FAM81B: variants seen among roughly 807,000 people sequenced by gnomAD.
FAM81B encodes family with sequence similarity 81 member B, also known as protein FAM81B.
FAM81B carries 60 observed loss-of-function variants against 58.7 expected under a neutral mutation model. The ratio of observed to expected loss-of-function variants is 1.02; its 90% CI spans 0.83 to 1.27. The LOEUF (loss-of-function observed/expected upper bound fraction) is 1.27, where lower values mean the gene tolerates loss of function less well. Ranked by LOEUF, FAM81B falls within the 50% of genes most tolerant of loss-of-function variation. FAM81B has a pLI of 0.00. For synonymous variants in FAM81B, 189 were observed against 179.6 expected (o/e 1.05, Z -0.42); for missense variants, 491 against 522.0 (o/e 0.94, Z 0.58).
intron 2 of FAM81B, among the ~76,000 whole-genome samples, chr5:95,395,840 A>G (rs1761951531): frequency 6.6e-6 from 1 of 152,222 alleles, no homozygotes; most frequent in African/African-American, 2.4e-5. Context: ...AAAATTATCT[A>G]AGAATAATCT....
At chr5:95,427,355 G>T (rs1006209689) in intron 5 of FAM81B, among the ~76,000 whole-genome samples, 2 of 152,152 alleles carry the variant, frequency 1.3e-5, no homozygotes, top group Non-Finnish European at 2.9e-5. Context: ...AACATCTTTT[G>T]ATCAGGAATT....
At chr5:95,443,775 C>T (rs149753548) in intron 7 of FAM81B, among the ~76,000 whole-genome samples, 104 of 152,310 alleles carry the variant, frequency 6.8e-4, no homozygotes, top group African/African-American at 2.1e-3. Context: ...AATTAATCCC[C>T]AGCTGAAAGC....
At chr5:95,417,942 A>C (rs929939798) in intron 4 of FAM81B, among the ~76,000 whole-genome samples, 2 of 152,236 alleles carry the variant, frequency 1.3e-5, no homozygotes, top group African/African-American at 4.8e-5. Flanking sequence ...CACAAAGGTA[A>C]ATATTCAAGT....
At chr5:95,392,347 C>A (rs950777295) in intron 1 of FAM81B, among the ~76,000 whole-genome samples, 2 of 151,940 alleles carry the variant, frequency 1.3e-5, no homozygotes, top group Non-Finnish European at 2.9e-5. Flanking sequence ...ACACTGGGGC[C>A]TGTTGGGGGT....
At chr5:95,420,494 T>C in intron 5 of FAM81B, 92 bp downstream of exon 5, 2 of 1,548,526 alleles carry the variant, frequency 1.3e-6, no homozygotes, top group South Asian at 2.3e-5. Context: ...GGAAAAAAGA[T>C]ATTGTCTACA....
At chr5:95,420,522 G>A in intron 5 of FAM81B, 120 bp downstream of exon 5, 2 of 1,363,068 alleles carry the variant, frequency 1.5e-6, no homozygotes, top group Non-Finnish European at 2.0e-6. Context: ...CTAAACTAAT[G>A]AGATGGCATT....
chr5:95,411,030 A>G (rs1189003264), intron 3 of FAM81B, among the ~76,000 whole-genome samples: 1 of 152,236 alleles, frequency 6.6e-6, no homozygotes, highest in Non-Finnish European at 1.5e-5. Context: ...AGCATTAAAG[A>G]CAAATTTAAA....
At chr5:95,425,681 G>T (rs1040990508) in intron 5 of FAM81B, among the ~76,000 whole-genome samples, 2 of 152,088 alleles carry the variant, frequency 1.3e-5, no homozygotes, top group South Asian at 4.2e-4. Context: ...TACATATAAA[G>T]TGAACATTAA....
intron 5 of FAM81B, among the ~76,000 whole-genome samples, chr5:95,424,855 A>C (rs2152765993): frequency 6.6e-6 from 1 of 152,340 alleles, no homozygotes; most frequent in South Asian, 2.1e-4. Flanking sequence ...AAAGTAAGGT[A>C]TAAAAACATT....
rs538740988 is a variant in FAM81B at position 95,410,000 on chromosome 5, T to C, written c.294-3947T>C. Among the ~76,000 whole-genome samples the C allele has an allele frequency of 5.3e-5, 8 of 152,314 alleles. No individual in the cohort carries two copies. In the South Asian group the frequency reaches 1.4e-3, roughly 28 times the overall value. On this transcript the variant is annotated intron_variant, in intron 3 of 9. Coordinates refer to ENST00000283357, the MANE Select transcript of FAM81B (RefSeq NM_152548.3). ...TGCTAATAAAAGTCCCAATTTTGTTTAAGGCTACAAACAAAACAAAATAAG... is the reference window on the plus strand; with the variant it reads ...TGCTAATAAAAGTCCCAATTTTGTTCAAGGCTACAAACAAAACAAAATAAG...
At chr5:95,432,963 G>A (rs2152767925) in intron 6 of FAM81B, among the ~76,000 whole-genome samples, 1 of 152,000 alleles carries the variant, frequency 6.6e-6, no homozygotes, top group Non-Finnish European at 1.5e-5. Context: ...ACATGTATTT[G>A]TAGTCTTTTT....
intron 3 of FAM81B, among the ~76,000 whole-genome samples, chr5:95,399,343 T>G (rs913242094): frequency 6.6e-6 from 1 of 152,214 alleles, no homozygotes; most frequent in East Asian, 1.9e-4. Context: ...TGAAGAGAGA[T>G]ATTTCACATT....
intron 7 of FAM81B, among the ~76,000 whole-genome samples, chr5:95,445,279 G>A (rs1745512797): frequency 6.6e-6 from 1 of 152,170 alleles, no homozygotes; most frequent in Non-Finnish European, 1.5e-5. Context: ...AAGACAGTCT[G>A]AATATTTTCA....
At chr5:95,409,672 T>G (rs1408002019) in intron 3 of FAM81B, among the ~76,000 whole-genome samples, 1 of 152,322 alleles carries the variant, frequency 6.6e-6, no homozygotes, top group South Asian at 2.1e-4. Flanking sequence ...TCTGCTGACC[T>G]TCACTGGGCA....
At chr5:95,420,183 C>A in intron 4 of FAM81B, 101 bp from the exon 5 acceptor site, 1 of 1,439,080 alleles carries the variant, frequency 6.9e-7, no homozygotes, top group Non-Finnish European at 9.6e-7. Context: ...CACCATCAGC[C>A]TAATTACAAA....
chr5:95,426,938 A>C (rs13186762), intron 5 of FAM81B, among the ~76,000 whole-genome samples: 41,068 of 151,770 alleles, frequency 0.27, 5,672 homozygotes, highest in Non-Finnish European at 0.28. Context: ...AGTCCTAGCT[A>C]CTCGGGAGGG....
intron 3 of FAM81B, among the ~76,000 whole-genome samples, chr5:95,410,451 A>C (rs1177990429): frequency 2.6e-5 from 4 of 152,204 alleles, no homozygotes; most frequent in Non-Finnish European, 5.9e-5. Context: ...TAATGTTCAC[A>C]ATCTGGCCCT....
At chr5:95,432,397 A>T (rs1456740435) in intron 6 of FAM81B, among the ~76,000 whole-genome samples, 2 of 152,114 alleles carry the variant, frequency 1.3e-5, no homozygotes, top group Admixed American at 1.3e-4. Context: ...TTCATAAAAA[A>T]ATTTGAAAGT....
In FAM81B at chr5:95,428,597, C is replaced by T. The variant is rs529803514; in HGVS notation, c.657-6C>T. On this transcript the variant is annotated splice_region_variant and splice_polypyrimidine_tract_variant and intron_variant, in intron 5 of 9. Transcript: ENST00000283357. ...TGATCCACACCAATTTCCATCTTGC[C>T]ATTAGATGTGATTCAAGCATTGTGA... The T allele has an allele frequency of 3.7e-6, 6 of 1,613,638 alleles. No individual in the cohort carries two copies. Among genetic ancestry groups the T allele is most frequent in the African/African-American group, 1.3e-5 (1 of 75,012 alleles).
Sources: allele counts gnomAD v4.1 joint callset (sites outside exome capture counted in the v4.1 genomes callset), GRCh38; gene constraint gnomAD v4.1.1; transcripts MANE v1.5; gene names NCBI Gene and HGNC (gene_info 2026-07-23, HGNC 2026-07-21).